Variants in SORCS3 observed in about 807,000 individuals in gnomAD.
SORCS3 encodes sortilin related VPS10 domain containing receptor 3.
Under a neutral mutation model 146.3 loss-of-function variants are expected in SORCS3, and 57 were observed. The observed-to-expected ratio is 0.39, with a 90% CI of 0.31 to 0.49. SORCS3 has a LOEUF of 0.49. SORCS3 is among the 20% of genes least tolerant of loss of function. The probability of loss-of-function intolerance (pLI) is 0.92; values close to 1 mark genes in which losing one functional copy is unlikely to be tolerated. For synonymous variants in SORCS3, 653 were observed against 618.5 expected, an observed-to-expected ratio of 1.06 and a Z score of -0.83; for missense variants, 1,341 against 1,575.5, an observed-to-expected ratio of 0.85 and a Z score of 2.52.
intron 1 of SORCS3, among the ~76,000 whole-genome samples, chr10:104,726,272 G>A (rs1251756751): frequency 6.6e-6 from 1 of 152,224 alleles, no homozygotes; most frequent in Non-Finnish European, 1.5e-5. Flanking sequence ...CCCTCTGGGA[G>A]CCTTAGAGGA....
Position 104,641,492 on chromosome 10 carries a change from G to A in SORCS3, c.165G>A (p.Ala55=), listed in dbSNP as rs1441969261. 2.7e-6 allele frequency: 4 copies of A among 1,471,292 alleles called. No individual in the cohort carries two copies. The highest frequency in any genetic ancestry group is 3.6e-6 in the Non-Finnish European group (4 of 1,119,382). 91.1% of individuals were successfully genotyped at this position (1,471,292 alleles called of 1,614,324 possible). A position where few individuals can be genotyped will look rare whatever the true frequency, so the allele number is the denominator to read the frequency against. The change falls in exon 1 of 27, where the codon GCG becomes GCA. Residue 55 remains alanine (A), a synonymous_variant. Transcript: ENST00000369701. The surrounding 1 kb of genome is among the most constrained non-coding windows in gnomAD (Gnocchi z 6.4). ...CGGCCCCGGCTTCGCGGCCACCGGC[G>A]TTGTCTCCACTCTCGCCGCGGGCAG... is the stretch of plus-strand genomic sequence containing the variant. The part of the protein sequence containing the change: ...RPAAPASRPP[A]LSPLSPRAVA...
intron 3 of SORCS3, among the ~76,000 whole-genome samples, chr10:104,933,536 A>G (rs943327313): frequency 6.6e-6 from 1 of 152,300 alleles, no homozygotes; most frequent in South Asian, 2.1e-4. Context: ...GCACAGGCCC[A>G]CACAGAGAGG....
chr10:104,827,819 G>A (rs2017955593), intron 1 of SORCS3, among the ~76,000 whole-genome samples: 1 of 152,192 alleles, frequency 6.6e-6, no homozygotes, highest in African/African-American at 2.4e-5. Flanking sequence ...TAGATCTTCT[G>A]AAAACTTGCT....
At chr10:105,014,157 C>T (rs989315295) in intron 4 of SORCS3, among the ~76,000 whole-genome samples, 11 of 149,088 alleles carry the variant, frequency 7.4e-5, no homozygotes, top group East Asian at 3.9e-4. Flanking sequence ...TAAAAAAATT[C>T]GCATAGCAAA....
chr10:105,229,313 A>C (rs1010738264), intron 20 of SORCS3, among the ~76,000 whole-genome samples: 5 of 151,980 alleles, frequency 3.3e-5, no homozygotes, highest in African/African-American at 1.2e-4. Flanking sequence ...CTTCTTTCAA[A>C]TCAATATTTT....
chr10:105,118,865 C>A (rs542206950), intron 7 of SORCS3, among the ~76,000 whole-genome samples: 36 of 152,200 alleles, frequency 2.4e-4, no homozygotes, highest in African/African-American at 7.9e-4. Flanking sequence ...GAAAGCAGAT[C>A]ATAAAAGTCT....
intron 20 of SORCS3, among the ~76,000 whole-genome samples, chr10:105,242,539 T>C (rs867800129): frequency 0.025 from 1,927 of 76,006 alleles, 1 homozygote; most frequent in South Asian, 0.043. Context: ...TATTTATATA[T>C]ATTTATATAT....
intron 7 of SORCS3, among the ~76,000 whole-genome samples, chr10:105,119,234 A>G (rs2055914343): frequency 6.6e-6 from 1 of 152,158 alleles, no homozygotes; most frequent in Non-Finnish European, 1.5e-5. Flanking sequence ...CTAACGTGAG[A>G]TGCTGGCTCT....
chr10:105,248,631 C>T (rs1009552703), intron 22 of SORCS3, among the ~76,000 whole-genome samples: 27 of 149,728 alleles, frequency 1.8e-4, no homozygotes, highest in African/African-American at 6.6e-4. Flanking sequence ...GGAGAGTCAC[C>T]TGAACCCAAA....
At chr10:104,735,545 G>T (rs2016761203) in intron 1 of SORCS3, among the ~76,000 whole-genome samples, 2 of 138,976 alleles carry the variant, frequency 1.4e-5, no homozygotes, top group South Asian at 4.8e-4. Context: ...CCCACCATAG[G>T]GTTCAAGGAA....
intron 2 of SORCS3, among the ~76,000 whole-genome samples, chr10:104,900,951 T>C (rs1021287913): frequency 1.3e-5 from 2 of 151,990 alleles, no homozygotes; most frequent in Non-Finnish European, 2.9e-5. Flanking sequence ...GTCTCCTTAA[T>C]TACCTTCTGA....
chr10:105,045,327 G>C (rs1464894854), intron 5 of SORCS3, among the ~76,000 whole-genome samples: 3 of 152,112 alleles, frequency 2.0e-5, no homozygotes, highest in East Asian at 3.9e-4. Context: ...ATTGTGTTTT[G>C]TCTCTTCTCC....
chr10:105,095,990 G>T (rs1379347874), intron 6 of SORCS3, among the ~76,000 whole-genome samples: 3 of 151,972 alleles, frequency 2.0e-5, no homozygotes, highest in Non-Finnish European at 2.9e-5. Context: ...ATAGAAATTT[G>T]TGCTTTTCTT....
chr10:105,148,160 A>G (rs757273878), intron 9 of SORCS3, among the ~76,000 whole-genome samples: 2 of 152,038 alleles, frequency 1.3e-5, no homozygotes, highest in African/African-American at 4.8e-5. Flanking sequence ...TGGACCCTGA[A>G]TGGAGGGAGT....
At chr10:104,994,109 C>G (rs918293657) in intron 4 of SORCS3, among the ~76,000 whole-genome samples, 2 of 152,140 alleles carry the variant, frequency 1.3e-5, no homozygotes, top group Non-Finnish European at 2.9e-5. Context: ...ACATGATACT[C>G]AACAAATACT....
chr10:104,997,760 C>T (rs2133669052), intron 4 of SORCS3, among the ~76,000 whole-genome samples: 1 of 152,238 alleles, frequency 6.6e-6, no homozygotes, highest in African/African-American at 2.4e-5. Flanking sequence ...TTTTCTCATG[C>T]CAGAGCCTCC....
At chr10:104,719,094 T>TTA (rs1564666841) in intron 1 of SORCS3, among the ~76,000 whole-genome samples, 1 of 152,142 alleles carries the variant, frequency 6.6e-6, no homozygotes, top group Admixed American at 6.5e-5. Flanking sequence ...AATATTAATT[T>TTA]TATATATATT....
Position 104,992,967 on chromosome 10 carries a change from A to G in SORCS3, c.954+15474A>G, listed in dbSNP as rs137927741. Among the ~76,000 whole-genome samples the G allele has an allele frequency of 2.4e-3, 361 of 151,966 alleles. 1 individual carries two copies. The highest frequency in any genetic ancestry group is 3.8e-3 in the Non-Finnish European group (255 of 67,964). On this transcript the variant is annotated intron_variant, in intron 4 of 26. Transcript: ENST00000369701. ...AAGACCTGAATGAGAGTTAAAGAGG[A>G]CCTGTATAAAGGTTATAATTATGGG...
intron 8 of SORCS3, among the ~76,000 whole-genome samples, chr10:105,146,567 A>G (rs1417831586): frequency 6.6e-6 from 1 of 152,018 alleles, no homozygotes; most frequent in African/African-American, 2.4e-5. Flanking sequence ...TGGCCAAGCT[A>G]AACATTTGTG....
Sources: gnomAD v4.1 joint callset for allele counts (sites outside exome capture counted in the v4.1 genomes callset) on GRCh38, gnomAD v4.1.1 for gene constraint, Gnocchi (gnomAD v3.1) non-coding constraint, MANE v1.5 for transcripts, NCBI Gene and HGNC (gene_info 2026-07-23, HGNC 2026-07-21) for gene names.